FKBP15: variants seen among roughly 807,000 people sequenced by gnomAD.
The protein encoded by FKBP15 is FK506-binding protein 15.
FKBP15 carries 106 observed loss-of-function variants against 158.1 expected under a neutral mutation model. That is an observed-to-expected ratio of 0.67 (90% CI 0.57 to 0.79). The LOEUF (loss-of-function observed/expected upper bound fraction) is 0.79. FKBP15 is among the 30% of genes least tolerant of loss of function. The probability of loss-of-function intolerance (pLI) is 0.00; values close to 1 mark genes in which losing one functional copy is unlikely to be tolerated. For missense variants in FKBP15, 1,287 were observed against 1,479.1 expected, an observed-to-expected ratio of 0.87 and a Z score of 2.13; for synonymous variants, 547 against 548.6, an observed-to-expected ratio of 1.00 and a Z score of 0.04.
In FKBP15 at chr9:113,168,497, G is replaced by A; in HGVS notation, c.3545C>T (p.Pro1182Leu). 1.2e-6 allele frequency: 2 copies of A among 1,613,936 alleles called. No individual in the cohort carries two copies. Among genetic ancestry groups the A allele is most frequent in the Non-Finnish European group, 1.7e-6 (2 of 1,179,862 alleles). ...ATCCTCCTCCTCAGGCTGTGCTTTG[G>A]GCCTCAGAGCTTTCAGAGTTGCCCC... ...FKGATLKALR[P>L]KAQPEEEDED... The change falls in exon 27 of 28, where the codon CCC becomes CTC. Residue 1182 changes from proline to leucine, a missense_variant. Coordinates refer to ENST00000238256, the MANE Select transcript of FKBP15 (RefSeq NM_015258.2).
At chr9:113,200,035 C>T in intron 6 of FKBP15, 72 bp from the exon 7 acceptor site, 1 of 1,463,800 alleles carries the variant, frequency 6.8e-7, no homozygotes, top group Non-Finnish European at 9.2e-7. Flanking sequence ...ATTGCTACTG[C>T]TCTTTCTCAA....
rs188324686 is a variant in FKBP15, at chr9:113,181,598, A to G, written c.1914+1168T>C. Among the ~76,000 whole-genome samples, 330 of 152,330 alleles carry G rather than the reference A, an allele frequency of 2.2e-3. 1 individual carries two copies. Among genetic ancestry groups the G allele is most frequent in the African/African-American group, 7.5e-3 (311 of 41,578 alleles). ...CGGGATTTAAGAATATCTAGTTTTA[A>G]TCAAGCACCCCAAGTAAGTCGGAGG... On this transcript the variant is annotated intron_variant, in intron 19 of 27. Coordinates refer to ENST00000238256, the MANE Select transcript of FKBP15 (RefSeq NM_015258.2).
intron 11 of FKBP15, among the ~76,000 whole-genome samples, chr9:113,192,022 A>C (rs931369895): frequency 7.0e-6 from 1 of 142,574 alleles, no homozygotes; most frequent in Admixed American, 7.1e-5. Context: ...CCATTAAAAA[A>C]AACAAATTTG....
chr9:113,218,130 T>C (rs1831177411), intron 1 of FKBP15, among the ~76,000 whole-genome samples: 1 of 151,968 alleles, frequency 6.6e-6, no homozygotes, highest in Non-Finnish European at 1.5e-5. Context: ...TGTATTTTAA[T>C]AAACAGAGAT....
At chr9:113,183,689 G>A (rs1830438871) in intron 18 of FKBP15, 62 bp downstream of exon 18, 1 of 1,058,420 alleles carries the variant, frequency 9.4e-7, no homozygotes, top group Non-Finnish European at 1.4e-6. Flanking sequence ...GTGTACTTAA[G>A]CTGGGCATAT....
chr9:113,177,360 T>A lies in FKBP15; in HGVS notation c.2087-687A>T, dbSNP rs182587345. Among the ~76,000 whole-genome samples the A allele has an allele frequency of 2.6e-5, 4 of 152,356 alleles. No homozygotes were observed. The East Asian group carries it at 7.7e-4, about 29-fold the overall frequency. ...AAATAAAATTTGTTTGGGAAACTTTTGAGACTCTTATGACTCTTGAGGTAA... is the reference window on the plus strand; with the variant it reads ...AAATAAAATTTGTTTGGGAAACTTTAGAGACTCTTATGACTCTTGAGGTAA... On this transcript the variant is annotated intron_variant, in intron 20 of 27. Coordinates refer to ENST00000238256, the MANE Select transcript of FKBP15 (RefSeq NM_015258.2).
intron 9 of FKBP15, 71 bp from the exon 10 acceptor site, chr9:113,194,240 G>T: frequency 8.2e-7 from 1 of 1,223,112 alleles, no homozygotes; most frequent in South Asian, 1.4e-5. Flanking sequence ...CACAGGAAGG[G>T]GAACATCACA....
At position 113,221,220 on chromosome 9, in the gene FKBP15, G is replaced by A. The variant is rs1564197834; in HGVS notation, c.24C>T (p.Asp8=). MFGAGDE[D]DTDFLSPSGG... ...CGCTCGGCGAGAGGAAATCGGTGTC[G>A]TCCTCGTCCCCCGCACCGAACATTG... Residue 8 remains aspartate (D), a synonymous_variant, in exon 1 of 28, where the codon GAC becomes GAT. Transcript: ENST00000238256. 2.5e-6 allele frequency: 4 copies of A among 1,610,022 alleles called. No homozygotes were observed. Among genetic ancestry groups the A allele is most frequent in the Non-Finnish European group, 3.4e-6 (4 of 1,178,202 alleles).
chr9:113,194,851 A>G (rs1830640781), intron 9 of FKBP15, among the ~76,000 whole-genome samples: 1 of 152,256 alleles, frequency 6.6e-6, no homozygotes, highest in Non-Finnish European at 1.5e-5. Context: ...AACTAAAGTC[A>G]TAAATATCTA....
At chr9:113,180,400 ATGT>A (rs1830374181) in intron 19 of FKBP15, among the ~76,000 whole-genome samples, 1 of 149,988 alleles carries the variant, frequency 6.7e-6, no homozygotes, top group African/African-American at 2.5e-5. Flanking sequence ...TCAGAAAAAA[ATGT>A]GTGTGTGTGT....
intron 21 of FKBP15, among the ~76,000 whole-genome samples, chr9:113,175,466 C>T (rs1830284896): frequency 1.3e-5 from 2 of 152,268 alleles, no homozygotes; most frequent in South Asian, 4.1e-4. Context: ...ACAGCTTTAC[C>T]TAATGAGATT....
intron 12 of FKBP15, among the ~76,000 whole-genome samples, chr9:113,188,994 T>G (rs779576374): frequency 9.2e-5 from 14 of 152,228 alleles, no homozygotes; most frequent in Non-Finnish European, 1.8e-4. Context: ...TAATATAGTT[T>G]TAGGATGTTT....
intron 7 of FKBP15, among the ~76,000 whole-genome samples, chr9:113,199,491 T>A (rs1057037794): frequency 1.3e-5 from 2 of 152,316 alleles, no homozygotes; most frequent in African/African-American, 4.8e-5. Flanking sequence ...AAAGAAGTTT[T>A]AAGACTTAAT....
chr9:113,173,291 C>T (rs1205357552), intron 23 of FKBP15, among the ~76,000 whole-genome samples, 162 bp downstream of exon 23: 1 of 152,188 alleles, frequency 6.6e-6, no homozygotes, highest in East Asian at 1.9e-4. Flanking sequence ...CCTATCACCC[C>T]ACATAAGTAT....
At chr9:113,178,514 G>A in intron 20 of FKBP15, 116 bp downstream of exon 20, 1 of 1,016,018 alleles carries the variant, frequency 9.8e-7, no homozygotes, top group Non-Finnish European at 1.4e-6. Context: ...TTAATTTTTG[G>A]TGTAGTCCTT....
Position 113,165,880 on chromosome 9 carries a change from C to T in FKBP15, c.*198G>A. The T allele has an allele frequency of 1.9e-6, 1 of 516,854 alleles. No homozygotes were observed. Among genetic ancestry groups the T allele is most frequent in the East Asian group, 3.2e-5 (1 of 31,588 alleles). The allele number at this position is 516,854 out of a possible 1,614,324, so 32.0% of individuals were successfully genotyped here. A position where few individuals can be genotyped will look rare whatever the true frequency, so the allele number is the denominator to read the frequency against. On this transcript the variant is annotated 3_prime_UTR_variant, in exon 28 of 28. Coordinates refer to ENST00000238256, the MANE Select transcript of FKBP15 (RefSeq NM_015258.2). ...GCTGAAATCCCAGTGTTCTTGAAGA[C>T]AGGGTTATGATCCTCTTCACCAGGT... is the stretch of plus-strand genomic sequence containing the variant.
In FKBP15 at chr9:113,170,577, A is replaced by T. The variant is rs373153727; in HGVS notation, c.2711T>A (p.Leu904Gln). 4 of 1,613,924 alleles carry T rather than the reference A, an allele frequency of 2.5e-6. No individual in the cohort carries two copies. ...GGTCCTGCCATTGTAAGATTCCTCC[A>T]GCTCAAACTCTCTCCGTAAGGACTG... ...VFQSLRREFE[L>Q]EESYNGRTIL... Residue 904 changes from leucine (L) to glutamine (Q), a missense_variant, in exon 25 of 28, where the codon CTG becomes CAG. Coordinates refer to ENST00000238256, the MANE Select transcript of FKBP15 (RefSeq NM_015258.2).
Position 113,168,473 on chromosome 9 carries a change from T to A in FKBP15, c.3569A>T (p.Asp1190Val). Reference protein sequence around the residue: ...LRPKAQPEEEDEDEVSMKGRP... With the variant: ...LRPKAQPEEEVEDEVSMKGRP... The stretch of plus-strand genomic sequence containing the variant: ...GGATTTCCTTACCACCTCGTCTTCA[T>A]CCTCCTCCTCAGGCTGTGCTTTGGG... The change falls in exon 27 of 28, where the codon GAT becomes GTT. Residue 1190 changes from aspartate (D) to valine (V), a missense_variant. Coordinates refer to ENST00000238256, the MANE Select transcript of FKBP15 (RefSeq NM_015258.2). The A allele has an allele frequency of 6.2e-7, 1 of 1,613,754 alleles. No individual in the cohort carries two copies. Among genetic ancestry groups the A allele is most frequent in the Non-Finnish European group, 8.5e-7 (1 of 1,179,718 alleles).
chr9:113,200,993 G>A (rs1024040679), intron 6 of FKBP15, among the ~76,000 whole-genome samples: 9 of 148,658 alleles, frequency 6.1e-5, no homozygotes, highest in Non-Finnish European at 1.0e-4. Context: ...GCAGTGAGCC[G>A]AGATGGCACC....
Sources: gnomAD v4.1 joint callset for allele counts (sites outside exome capture counted in the v4.1 genomes callset) on GRCh38, gnomAD v4.1.1 for gene constraint, MANE v1.5 for transcripts, NCBI Gene and HGNC (gene_info 2026-07-23, HGNC 2026-07-21) for gene names.